ABCG2: variants seen among roughly 807,000 people sequenced by gnomAD.
ABCG2 encodes broad substrate specificity ATP-binding cassette transporter ABCG2.
Under a neutral mutation model 73.5 loss-of-function variants are expected in ABCG2, and 80 were observed. The ratio of observed to expected loss-of-function variants is 1.09; its 90% CI spans 0.91 to 1.31. ABCG2 has a LOEUF of 1.31. Ranked by LOEUF, ABCG2 falls within the 50% of genes most tolerant of loss-of-function variation. The pLI is 0.00. For synonymous variants in ABCG2, 269 were observed against 282.4 expected (o/e 0.95, Z 0.48); for missense variants, 796 against 786.2 (o/e 1.01, Z -0.15).
chr4:88,134,041 G>A (rs1725082794), intron 2 of ABCG2, among the ~76,000 whole-genome samples: 1 of 151,946 alleles, frequency 6.6e-6, no homozygotes, highest in Non-Finnish European at 1.5e-5. Context: ...TCAGGGTGGG[G>A]CCTGGCTTGT....
At chr4:88,201,186 T>A (rs1729149305) in intron 1 of ABCG2, among the ~76,000 whole-genome samples, 1 of 116,018 alleles carries the variant, frequency 8.6e-6, no homozygotes. Flanking sequence ...ATAAAATTTA[T>A]AAGTCTCCAG....
At chr4:88,225,103 GT>G (rs1730155729) in intron 1 of ABCG2, among the ~76,000 whole-genome samples, 1 of 152,286 alleles carries the variant, frequency 6.6e-6, no homozygotes, top group African/African-American at 2.4e-5. Context: ...TGAGGGTAGA[GT>G]TTTAAATCAG....
At chr4:88,123,581 C>A (rs767836240) in intron 5 of ABCG2, among the ~76,000 whole-genome samples, 13 of 151,698 alleles carry the variant, frequency 8.6e-5, no homozygotes, top group Admixed American at 1.3e-4. Flanking sequence ...ATGAAATAAA[C>A]TTAATGAAAT....
chr4:88,220,832 C>A (rs961322837), intron 1 of ABCG2, among the ~76,000 whole-genome samples: 1 of 152,106 alleles, frequency 6.6e-6, no homozygotes, highest in Non-Finnish European at 1.5e-5. Context: ...ACTTTCCCAC[C>A]CCTCTTTGCT....
At chr4:88,100,533 C>T (rs2622614) in intron 11 of ABCG2, among the ~76,000 whole-genome samples, 116,881 of 150,760 alleles carry the variant, frequency 0.78, 49,622 homozygotes, top group Non-Finnish European at 0.96. Flanking sequence ...GCTAGGCATG[C>T]CAGTTACTCA....
At chr4:88,209,309 CAAA>C (rs60027656) in intron 1 of ABCG2, among the ~76,000 whole-genome samples, 11 of 81,462 alleles carry the variant, frequency 1.4e-4, no homozygotes, top group African/African-American at 4.5e-4. Context: ...GACTCCATCT[CAAA>C]AAAAAAAAAA....
In ABCG2 at chr4:88,108,852, C is replaced by A. The variant is rs528256971; in HGVS notation, c.1195-1586G>T. On this transcript the variant is annotated intron_variant, in intron 9 of 15. Transcript: ENST00000237612. ...AAATTTTGGGGGGAAATCCATTATG[C>A]TGGCATATTTTCATTACCCTCAGAA... Among the ~76,000 whole-genome samples, 12 of 152,278 alleles carry A rather than the reference C, an allele frequency of 7.9e-5. No homozygotes were observed. In the East Asian group the frequency reaches 2.3e-3, roughly 29 times the overall value.
intron 1 of ABCG2, among the ~76,000 whole-genome samples, chr4:88,145,443 C>G (rs892474764): frequency 6.6e-6 from 1 of 152,184 alleles, no homozygotes; most frequent in Admixed American, 6.5e-5. Flanking sequence ...GGCCCAAAGC[C>G]TGCTTGTATG....
chr4:88,228,696 C>A (rs979718878), intron 1 of ABCG2, among the ~76,000 whole-genome samples: 1 of 152,166 alleles, frequency 6.6e-6, no homozygotes, highest in Non-Finnish European at 1.5e-5. Context: ...GAGAACTTTT[C>A]TGTCTAGCTA....
intron 10 of ABCG2, among the ~76,000 whole-genome samples, chr4:88,105,960 G>A (rs998304094): frequency 1.3e-4 from 20 of 152,126 alleles, no homozygotes; most frequent in African/African-American, 4.3e-4. Flanking sequence ...GTGTTGGTAA[G>A]GATATGGAGA....
At chr4:88,224,234 G>A (rs1247235836) in intron 1 of ABCG2, among the ~76,000 whole-genome samples, 1 of 152,132 alleles carries the variant, frequency 6.6e-6, no homozygotes, top group Non-Finnish European at 1.5e-5. Context: ...TGGATCACTT[G>A]AGCTCAGCCT....
chr4:88,197,359 A>G (rs1728978765), intron 1 of ABCG2, among the ~76,000 whole-genome samples: 1 of 152,176 alleles, frequency 6.6e-6, no homozygotes, highest in South Asian at 2.1e-4. Context: ...CAGGCATAGT[A>G]GCTCCCACCA....
chr4:88,114,488 C>A (rs1441814113), intron 8 of ABCG2, among the ~76,000 whole-genome samples: 1 of 151,868 alleles, frequency 6.6e-6, no homozygotes, highest in African/African-American at 2.4e-5. Flanking sequence ...TTAGCCGGGC[C>A]TGGTGGCACA....
chr4:88,227,417 T>C (rs145499701), intron 1 of ABCG2, among the ~76,000 whole-genome samples: 177 of 152,102 alleles, frequency 1.2e-3, no homozygotes, highest in Middle Eastern at 6.8e-3. Context: ...ATAAAATAAA[T>C]AAATAATATA....
chr4:88,122,159 T>C (rs922043537), intron 5 of ABCG2, among the ~76,000 whole-genome samples: 7 of 152,028 alleles, frequency 4.6e-5, no homozygotes, highest in African/African-American at 1.7e-4. Flanking sequence ...CCCATGGTAT[T>C]CACAACCCGC....
rs778427742 is a variant in ABCG2 at position 88,115,068 on chromosome 4, A to G, written c.842-10T>C. 6.3e-7 allele frequency: 1 copy of G among 1,587,940 alleles called. No individual in the cohort carries two copies. The highest frequency in any genetic ancestry group is 2.2e-5 in the East Asian group (1 of 44,508). ...GCCTCACAGTGATAACCTATGAAAG[A>G]AGGCAGCTCAAAAACACAAACTTGA... is the stretch of plus-strand genomic sequence containing the variant. On this transcript the variant is annotated splice_polypyrimidine_tract_variant and intron_variant, in intron 7 of 15. Transcript: ENST00000237612.
At chr4:88,102,487 T>G (rs955208771) in intron 10 of ABCG2, among the ~76,000 whole-genome samples, 2 of 151,502 alleles carry the variant, frequency 1.3e-5, no homozygotes, top group Admixed American at 6.6e-5. Flanking sequence ...TCCCAGCTAC[T>G]CAGGAGGCTG....
chr4:88,150,174 G>A (rs562297736), intron 1 of ABCG2, among the ~76,000 whole-genome samples: 3 of 152,146 alleles, frequency 2.0e-5, no homozygotes, highest in Admixed American at 6.5e-5. Context: ...AAAATTATCC[G>A]GGTGTGGTGG....
chr4:88,109,262 CACTGGGATT>C (rs1722967332), intron 9 of ABCG2, among the ~76,000 whole-genome samples: 2 of 152,024 alleles, frequency 1.3e-5, no homozygotes, highest in African/African-American at 4.8e-5. Flanking sequence ...CCTCCCAAAG[CACTGGGATT>C]ACATGCATGA....
Sources: allele counts gnomAD v4.1 joint callset (sites outside exome capture counted in the v4.1 genomes callset), GRCh38; gene constraint gnomAD v4.1.1; transcripts MANE v1.5; gene names NCBI Gene and HGNC (gene_info 2026-07-23, HGNC 2026-07-21).